The following GRID2 variants were observed in gnomAD, a reference collection of about 807,000 sequenced individuals.
The protein encoded by GRID2 is glutamate receptor ionotropic, delta-2.
GRID2 carries 33 observed loss-of-function variants against 114.8 expected under a neutral mutation model. The observed-to-expected ratio is 0.29, with a 90% CI of 0.22 to 0.38. The LOEUF (loss-of-function observed/expected upper bound fraction) is 0.38. GRID2 is among the 10% of genes least tolerant of loss of function. The pLI, the probability that GRID2 is intolerant of heterozygous loss-of-function variation, is 1.00. For missense variants in GRID2, 1,184 were observed against 1,257.7 expected, an observed-to-expected ratio of 0.94 and a Z score of 0.89; for synonymous variants, 505 against 449.9, an observed-to-expected ratio of 1.12 and a Z score of -1.55.
intron 1 of GRID2, among the ~76,000 whole-genome samples, chr4:92,484,384 C>T (rs1000820825): frequency 5.3e-5 from 8 of 151,880 alleles, no homozygotes; most frequent in African/African-American, 1.9e-4. Context: ...TTCCAGAAGC[C>T]CCAGCAGTAA....
At chr4:92,585,463 A>C (rs12500504) in intron 1 of GRID2, among the ~76,000 whole-genome samples, 1 of 151,720 alleles carries the variant, frequency 6.6e-6, no homozygotes, top group East Asian at 1.9e-4. Flanking sequence ...ATCCAACGAA[A>C]TATTTATGCA....
At chr4:93,016,919 C>A (rs1261137856) in intron 2 of GRID2, among the ~76,000 whole-genome samples, 1 of 151,830 alleles carries the variant, frequency 6.6e-6, no homozygotes, top group Non-Finnish European at 1.5e-5. Flanking sequence ...TAGCTAAAAC[C>A]GTTGCTTAAA....
At position 92,789,092 on chromosome 4, in the gene GRID2, A is replaced by G. The variant is rs140975292; in HGVS notation, c.244+198806A>G. On this transcript the variant is annotated intron_variant, in intron 2 of 15. Transcript: ENST00000282020. ...AATTCTGGATTTGTGGTTATTTTCTATTAGCATTTAGAAGATATTATTTCA... is the reference window on the plus strand; with the variant it reads ...AATTCTGGATTTGTGGTTATTTTCTGTTAGCATTTAGAAGATATTATTTCA... Among the ~76,000 whole-genome samples the G allele has an allele frequency of 3.2e-3, 493 of 151,972 alleles. 2 individuals carry two copies. Among genetic ancestry groups the G allele is most frequent in the African/African-American group, 0.01 (422 of 41,510 alleles).
intron 13 of GRID2, among the ~76,000 whole-genome samples, chr4:93,610,911 C>T (rs1490100749): frequency 1.4e-5 from 2 of 140,478 alleles, no homozygotes; most frequent in Non-Finnish European, 3.0e-5. Flanking sequence ...CCTTGTACTT[C>T]CGGTAGAATT....
intron 2 of GRID2, among the ~76,000 whole-genome samples, chr4:92,742,957 G>T (rs1472023231): frequency 6.6e-6 from 1 of 152,068 alleles, no homozygotes; most frequent in Non-Finnish European, 1.5e-5. Context: ...TTCCATTACA[G>T]ACTAGTCTTA....
At position 92,435,999 on chromosome 4, in the gene GRID2, G is replaced by T. The variant is rs368735160; in HGVS notation, c.88+131255G>T. On this transcript the variant is annotated intron_variant, in intron 1 of 15. Coordinates refer to ENST00000282020, the MANE Select transcript of GRID2 (RefSeq NM_001510.4). ...TTAGAGACTGGAATTGGTGTGCCAT[G>T]TGAGAAGATAATAGCAGGCATATGA... Among the ~76,000 whole-genome samples the T allele has an allele frequency of 5.3e-5, 8 of 152,264 alleles. No homozygotes were observed. In the East Asian group the frequency reaches 1.5e-3, roughly 29 times the overall value.
chr4:93,038,521 T>G (rs1372529464), intron 2 of GRID2, among the ~76,000 whole-genome samples: 1 of 152,144 alleles, frequency 6.6e-6, no homozygotes, highest in African/African-American at 2.4e-5. Flanking sequence ...CCAGGTGTGG[T>G]GGCTCACGCC....
chr4:93,494,466 A>G (rs1727329562), intron 12 of GRID2, among the ~76,000 whole-genome samples: 1 of 151,764 alleles, frequency 6.6e-6, no homozygotes, highest in African/African-American at 2.4e-5. Flanking sequence ...TATTTTGGGG[A>G]AGCTGAATAA....
chr4:93,265,804 T>G (rs1020116509), intron 8 of GRID2, among the ~76,000 whole-genome samples: 1 of 152,162 alleles, frequency 6.6e-6, no homozygotes, highest in Admixed American at 6.5e-5. Flanking sequence ...CTTCCCACCA[T>G]GCAGTTCAAA....
At chr4:92,770,856 A>G (rs1738507067) in intron 2 of GRID2, among the ~76,000 whole-genome samples, 1 of 152,144 alleles carries the variant, frequency 6.6e-6, no homozygotes, top group South Asian at 2.1e-4. Flanking sequence ...CAGACAAACC[A>G]TATCCCCTGG....
At chr4:93,465,846 T>C (rs1724214818) in intron 11 of GRID2, among the ~76,000 whole-genome samples, 1 of 152,258 alleles carries the variant, frequency 6.6e-6, no homozygotes, top group Non-Finnish European at 1.5e-5. Flanking sequence ...ACAATAACTT[T>C]ATGTCATTCA....
chr4:93,111,324 A>G (rs3857064), intron 4 of GRID2, among the ~76,000 whole-genome samples: 70,908 of 152,006 alleles, frequency 0.47, 17,018 homozygotes, highest in Admixed American at 0.61. Flanking sequence ...TACTTCTGAA[A>G]AAATAATTAC....
At chr4:93,547,663 G>T (rs367642778) in intron 13 of GRID2, among the ~76,000 whole-genome samples, 2 of 152,084 alleles carry the variant, frequency 1.3e-5, no homozygotes, top group African/African-American at 2.4e-5. Context: ...AATTATGAAC[G>T]TGAAGTTTGT....
chr4:93,407,648 G>T (rs568517782), intron 9 of GRID2, among the ~76,000 whole-genome samples: 45 of 151,396 alleles, frequency 3.0e-4, no homozygotes, highest in African/African-American at 1.1e-3. Context: ...AAGTTAGCAC[G>T]AGCAAAGGAA....
At chr4:92,530,420 A>G (rs994827261) in intron 1 of GRID2, among the ~76,000 whole-genome samples, 2 of 150,542 alleles carry the variant, frequency 1.3e-5, no homozygotes, top group African/African-American at 2.4e-5. Context: ...CGTTTTCAAG[A>G]CTTTGGATCT....
chr4:92,626,162 A>G (rs1485465828), intron 2 of GRID2, among the ~76,000 whole-genome samples: 2 of 152,050 alleles, frequency 1.3e-5, no homozygotes, highest in African/African-American at 4.8e-5. Flanking sequence ...ACAAATGAAG[A>G]TAGTATTAAT....
rs868760318 is a variant in GRID2, at chr4:92,935,110, A to C, written c.245-149885A>C. The stretch of plus-strand genomic sequence containing the variant: ...ATCAGAGTGAACAGGCAACCTACAA[A>C]ATGGGAGAAAATTTTCACAACCTAC... On this transcript the variant is annotated intron_variant, in intron 2 of 15. Transcript: ENST00000282020. Among the ~76,000 whole-genome samples, 34 of 146,754 alleles carry C rather than the reference A, an allele frequency of 2.3e-4. 2 individuals are homozygous for C. Among genetic ancestry groups the C allele is most frequent in the South Asian group, 2.1e-3 (9 of 4,318 alleles).
At chr4:92,331,359 G>A (rs1355484876) in intron 1 of GRID2, among the ~76,000 whole-genome samples, 2 of 152,118 alleles carry the variant, frequency 1.3e-5, no homozygotes, top group Admixed American at 6.6e-5. Flanking sequence ...CACTTAGCCC[G>A]ATCTGTCTTA....
chr4:92,916,831 T>G (rs923866390), intron 2 of GRID2, among the ~76,000 whole-genome samples: 1 of 152,200 alleles, frequency 6.6e-6, no homozygotes, highest in African/African-American at 2.4e-5. Flanking sequence ...GCTGTGTGTG[T>G]GTGTCTTTAT....
Sources: gnomAD v4.1 joint callset for allele counts (sites outside exome capture counted in the v4.1 genomes callset) on GRCh38, gnomAD v4.1.1 for gene constraint, MANE v1.5 for transcripts, NCBI Gene and HGNC (gene_info 2026-07-23, HGNC 2026-07-21) for gene names.